POLRMT: variants seen among roughly 807,000 people sequenced by gnomAD.
POLRMT encodes the protein DNA-directed RNA polymerase, mitochondrial.
In POLRMT, 114 loss-of-function variants were observed where a neutral mutation model predicts 132.2. The ratio of observed to expected loss-of-function variants is 0.86; its 90% confidence interval spans 0.74 to 1.01. The LOEUF is 1.01. POLRMT is among the 50% of genes least tolerant of loss of function. The probability of loss-of-function intolerance (pLI) is 0.00; values close to 1 mark genes in which losing one functional copy is unlikely to be tolerated. For synonymous variants in POLRMT, 1,020 were observed against 773.4 expected (o/e 1.32, Z -5.29); for missense variants, 2,003 against 1,729.1 (o/e 1.16, Z -2.81).
intron 1 of POLRMT, 199 bp downstream of exon 1, chr19:633,226 C>T: frequency 1.5e-6 from 1 of 669,890 alleles, no homozygotes; most frequent in Non-Finnish European, 2.3e-6. Context: ...GCATAAGAAA[C>T]CACGAGTCAA....
intron 1 of POLRMT, chr19:633,201 T>G: frequency 1.7e-6 from 1 of 597,286 alleles, no homozygotes; most frequent in East Asian, 3.4e-5. Flanking sequence ...ACACCACACC[T>G]GGGGTCAGGA....
In POLRMT at chr19:619,774, CG is replaced by C. The variant is rs985699807; in HGVS notation, c.2887-10del. On this transcript the variant is annotated splice_polypyrimidine_tract_variant and intron_variant, in intron 12 of 20. Coordinates refer to ENST00000588649, the MANE Select transcript of POLRMT (RefSeq NM_005035.4). ...CTACGGAACACCTCCACCTGCACGG[CG>C]GGTGGGCCGGGGGCGCGGGTCAGCC... 1 of 1,556,218 alleles carries C rather than the reference CG, an allele frequency of 6.4e-7. No homozygotes were observed.
rs781694323 is a variant in POLRMT at position 622,564 on chromosome 19, AG to A, written c.1626+17del. On this transcript the variant is annotated intron_variant, in intron 8 of 20. Transcript: ENST00000588649. The stretch of plus-strand genomic sequence containing the variant: ...CACCACTGGCCCCAGCCAGGAGGAG[AG>A]GGGGTGCGAGCCTCACCTCGGCGTC... 1.3e-6 allele frequency: 2 copies of A among 1,584,730 alleles called. No homozygotes were observed. Among genetic ancestry groups the A allele is most frequent in the East Asian group, 2.3e-5 (1 of 44,130 alleles).
Position 623,497 on chromosome 19 carries a change from G to T in POLRMT, c.1247C>A (p.Ser416Tyr). ...MELASRVCVV[S>Y]VEKPTLPSKE... ...GCTTGGCAACGTGGGCTTCTCCACG[G>T]ACACCACGCACACCCTGCTGGCCAG... Residue 416 changes from serine to tyrosine, a missense_variant, in exon 6 of 21, where the codon TCC becomes TAC. Transcript: ENST00000588649. 6.2e-7 allele frequency: 1 copy of T among 1,613,104 alleles called. No individual in the cohort carries two copies. Among genetic ancestry groups the T allele is most frequent in the South Asian group, 1.1e-5 (1 of 91,042 alleles).
At position 621,737 on chromosome 19, in the gene POLRMT, G is replaced by A. The variant is rs1040012478; in HGVS notation, c.1961C>T (p.Pro654Leu). 16 of 1,600,002 alleles carry A rather than the reference G, an allele frequency of 1.0e-5. No individual in the cohort carries two copies. The highest frequency in any genetic ancestry group is 1.3e-5 in the African/African-American group (1 of 74,916). ...AGCACCAGAGTGCGGCGATGTCCAG[G>A]GCAGCGGGGGGCAAAGCATGGGTAC... is the stretch of plus-strand genomic sequence containing the variant. ...VDVPMLCPPL[P>L]WTSPHSGAFL... The change falls in exon 10 of 21, where the codon CCC becomes CTC. Residue 654 changes from proline to leucine, a missense_variant. Coordinates refer to ENST00000588649, the MANE Select transcript of POLRMT (RefSeq NM_005035.4).
chr19:625,681 G>C (rs909994699), intron 3 of POLRMT, among the ~76,000 whole-genome samples: 1 of 152,202 alleles, frequency 6.6e-6, no homozygotes, highest in African/African-American at 2.4e-5. Context: ...GGTGAAAGGT[G>C]ACGTATTTGG....
chr19:620,618 G>C (rs1415572139), intron 10 of POLRMT, 131 bp from the exon 11 acceptor site: 3 of 1,193,848 alleles, frequency 2.5e-6, no homozygotes, highest in Non-Finnish European at 3.4e-6. Context: ...GGACGCATGT[G>C]GGCGAGAGAC....
rs376507364 is a variant in POLRMT, at chr19:620,374, G to A, written c.2754C>T (p.Pro918=). The stretch of plus-strand genomic sequence containing the variant: ...GACCCAGCTGGCTCACCTGATGGAC[G>A]GGGAGGTGGGAGACATAGGCGGCAG... ...SDPAAYVSHL[P]VHQDGSCNGL... Residue 918 remains proline (P), a synonymous_variant, in exon 11 of 21, where the codon CCC becomes CCT. Coordinates refer to ENST00000588649, the MANE Select transcript of POLRMT (RefSeq NM_005035.4). The A allele has an allele frequency of 8.9e-6, 14 of 1,577,024 alleles. No individual in the cohort carries two copies. The highest frequency in any genetic ancestry group is 5.4e-5 in the African/African-American group (4 of 74,154).
chr19:633,300 G>A, intron 1 of POLRMT, 125 bp downstream of exon 1: 1 of 1,196,004 alleles, frequency 8.4e-7, no homozygotes, highest in Non-Finnish European at 1.1e-6. Flanking sequence ...AAGCGGGGCC[G>A]GGTCGGTGGG....
intron 10 of POLRMT, 80 bp from the exon 11 acceptor site, chr19:620,567 G>C (rs1984446954): frequency 7.0e-7 from 1 of 1,432,088 alleles, no homozygotes. Flanking sequence ...GCGGGGAGGT[G>C]GGAAATGGGG....
Position 619,541 on chromosome 19 carries a change from T to C in POLRMT, c.3066+45A>G, listed in dbSNP as rs770436531. 6.8e-6 allele frequency: 11 copies of C among 1,606,334 alleles called. No homozygotes were observed. In the East Asian group the frequency reaches 1.3e-4, roughly 20 times the overall value. ...GGGGCACACCCGTCTGAGTTTTAAA[T>C]GGCAGTGAAACCAACGTGTTCGCAG... On this transcript the variant is annotated intron_variant, in intron 13 of 20. Coordinates refer to ENST00000588649, the MANE Select transcript of POLRMT (RefSeq NM_005035.4).
intron 6 of POLRMT, 36 bp downstream of exon 6, chr19:623,418 C>T (rs542661985): frequency 1.4e-5 from 22 of 1,605,000 alleles, no homozygotes; most frequent in Non-Finnish European, 1.8e-5. Context: ...CGGCTCAGCC[C>T]CTGCGGCGGA....
chr19:633,028 G>C (rs1316873796), intron 1 of POLRMT, 90 bp from the exon 2 acceptor site: 1 of 922,406 alleles, frequency 1.1e-6, no homozygotes, highest in African/African-American at 1.8e-5. Flanking sequence ...AAGGGCAAAG[G>C]AGCCCTAAAC....
rs921599652 is a variant in POLRMT, at chr19:626,549, G to A, written c.823-1295C>T. The stretch of plus-strand genomic sequence containing the variant: ...TGCCTGTAACCCCAGCACTTTGGGA[G>A]GCCAAGACAGGAGGATCACAAGGTC... On this transcript the variant is annotated intron_variant, in intron 3 of 20. Coordinates refer to ENST00000588649, the MANE Select transcript of POLRMT (RefSeq NM_005035.4). 4.8e-5 allele frequency among the ~76,000 whole-genome samples: 7 copies of A among 147,168 alleles called. 1 individual carries two copies. Among genetic ancestry groups the A allele is most frequent in the African/African-American group, 1.8e-4 (7 of 39,668 alleles).
chr19:623,103 G>C, intron 6 of POLRMT, 118 bp from the exon 7 acceptor site: 1 of 1,286,116 alleles, frequency 7.8e-7, no homozygotes. Flanking sequence ...TCCCTGCTGT[G>C]TGTTCCGGGT....
chr19:617,849 C>T lies in POLRMT; in HGVS notation c.3423G>A (p.Arg1141=), dbSNP rs1269549550. The part of the protein sequence containing the change: ...HMMLTALHCY[R]KGLTFVSVHD... Reference sequence around the variant, plus strand: ...GCACAGAGACGAAGGTCAGGCCCTTCCTGTGGCAGAGCGGAGGACTCCTGA... The same window carrying T: ...GCACAGAGACGAAGGTCAGGCCCTTTCTGTGGCAGAGCGGAGGACTCCTGA... Residue 1141 remains arginine, a splice_region_variant and synonymous_variant, in exon 18 of 21, where the codon AGG becomes AGA. Transcript: ENST00000588649. 9 of 1,613,088 alleles carry T rather than the reference C, an allele frequency of 5.6e-6. No individual in the cohort carries two copies. The highest frequency in any genetic ancestry group is 6.8e-6 in the Non-Finnish European group (8 of 1,179,856).
rs77809401 is a variant in POLRMT at position 621,070 on chromosome 19, G to T, written c.2628C>A (p.Asp876Glu). The change falls in exon 10 of 21, where the codon GAC becomes GAA. Residue 876 changes from aspartate (D) to glutamate (E), a missense_variant. Physicochemically the swap from Asp to Glu is conservative, Grantham distance 45. Transcript: ENST00000588649. ...EVMDDILDSA[D>E]QPLTGRKWWM... ...GCCCCGCCCCTACCGTCAAGGGTTG[G>T]TCCGCGGAGTCCAGGATGTCATCCA... The T allele has an allele frequency of 7.5e-6, 10 of 1,325,102 alleles. No homozygotes were observed. Among genetic ancestry groups the T allele is most frequent in the Admixed American group, 2.0e-5 (1 of 49,334 alleles). 82.1% of individuals were successfully genotyped at this position (1,325,102 alleles called of 1,614,324 possible).
At chr19:620,721 G>A (rs938886003) in intron 10 of POLRMT, among the ~76,000 whole-genome samples, 15 of 147,502 alleles carry the variant, frequency 1.0e-4, no homozygotes, top group African/African-American at 3.3e-4. Context: ...GGAGCTGCCG[G>A]GGGAGGAGGG....
At chr19:619,484 G>A in intron 13 of POLRMT, 102 bp downstream of exon 13, 2 of 1,485,820 alleles carry the variant, frequency 1.3e-6, no homozygotes, top group Non-Finnish European at 1.8e-6. Context: ...GTCTGGGGGA[G>A]CAGCCAGGGC....
Sources: gnomAD v4.1 joint callset for allele counts (sites outside exome capture counted in the v4.1 genomes callset) on GRCh38, gnomAD v4.1.1 for gene constraint, MANE v1.5 for transcripts, NCBI Gene and HGNC (gene_info 2026-07-23, HGNC 2026-07-21) for gene names.